MTR: variants seen among roughly 807,000 people sequenced by gnomAD.
MTR encodes methionine synthase.
A neutral mutation model predicts 154.8 loss-of-function variants in MTR; 84 were observed. That is an observed-to-expected ratio of 0.54 (90% CI 0.45 to 0.65). The LOEUF is 0.65. Ranked by LOEUF, MTR falls within the 30% of genes least tolerant of loss-of-function variation. The probability of loss-of-function intolerance (pLI) is 0.00; values close to 1 mark genes in which losing one functional copy is unlikely to be tolerated. For missense variants in MTR, 1,275 were observed against 1,570.2 expected (o/e 0.81, Z 3.18); for synonymous variants, 554 against 553.9 (o/e 1.00, Z 0.00).
At chr1:236,817,173 T>A (rs955046112) in intron 8 of MTR, among the ~76,000 whole-genome samples, 4 of 152,216 alleles carry the variant, frequency 2.6e-5, no homozygotes, top group African/African-American at 9.6e-5. Flanking sequence ...ATGTTTTAAA[T>A]TGTGTACTTT....
chr1:236,850,581 TG>T, intron 16 of MTR, 58 bp downstream of exon 16: 1 of 1,458,102 alleles, frequency 6.9e-7, no homozygotes, highest in Non-Finnish European at 9.6e-7. Flanking sequence ...ATGGGTCTAA[TG>T]AATGGTTAGA....
At position 236,859,892 on chromosome 1, in the gene MTR, C is replaced by T. The variant is rs147141232; in HGVS notation, c.2013C>T (p.Val671=). ...IQTDEWRNGP[V]EERLEYALVK... ...CTGATGAGTGGAGAAATGGCCCTGT[C>T]GAAGAACGCCTTGAGTATGCCCTTG... The change falls in exon 19 of 33, where the codon GTC becomes GTT. Residue 671 remains valine (V), a synonymous_variant. Transcript: ENST00000366577. The T allele has an allele frequency of 3.2e-5, 51 of 1,613,796 alleles. 1 individual carries two copies. The highest frequency in any genetic ancestry group is 2.7e-4 in the African/African-American group (20 of 74,880).
chr1:236,833,446 G>C (rs968418046), intron 13 of MTR, among the ~76,000 whole-genome samples: 3 of 152,170 alleles, frequency 2.0e-5, no homozygotes, highest in African/African-American at 7.2e-5. Context: ...AGGTACTGTG[G>C]TTATCCCCAT....
At chr1:236,813,564 T>C (rs1661429117) in intron 6 of MTR, among the ~76,000 whole-genome samples, 1 of 152,216 alleles carries the variant, frequency 6.6e-6, no homozygotes, top group Non-Finnish European at 1.5e-5. Flanking sequence ...CTGTTTGACC[T>C]TTTCCAGTTT....
At chr1:236,881,694 C>G (rs1198893324) in intron 25 of MTR, among the ~76,000 whole-genome samples, 1 of 152,122 alleles carries the variant, frequency 6.6e-6, no homozygotes, top group Non-Finnish European at 1.5e-5. Context: ...CTAGGGTGAC[C>G]GCATTTCCTG....
chr1:236,878,234 A>T (rs925706788), intron 24 of MTR, among the ~76,000 whole-genome samples: 1 of 152,202 alleles, frequency 6.6e-6, no homozygotes, highest in Non-Finnish European at 1.5e-5. Flanking sequence ...TTTGCATCCA[A>T]ATAAGTAAGT....
intron 6 of MTR, 107 bp downstream of exon 6, chr1:236,812,951 C>T (rs1661387503): frequency 1.1e-6 from 1 of 871,664 alleles, no homozygotes; most frequent in South Asian, 1.4e-5. Flanking sequence ...AAATAAATTA[C>T]CTGTATTTGC....
chr1:236,837,909 G>C (rs1663001842), intron 14 of MTR, among the ~76,000 whole-genome samples: 1 of 152,068 alleles, frequency 6.6e-6, no homozygotes, highest in Admixed American at 6.5e-5. Context: ...TGCATTTGTT[G>C]ATAATTAGAT....
chr1:236,840,594 G>T (rs973629398), intron 15 of MTR, among the ~76,000 whole-genome samples: 1 of 152,196 alleles, frequency 6.6e-6, no homozygotes, highest in African/African-American at 2.4e-5. Context: ...TGGAGAAAGA[G>T]CAAACGAGGT....
intron 15 of MTR, among the ~76,000 whole-genome samples, chr1:236,846,051 A>G (rs1663551777): frequency 6.6e-6 from 1 of 152,262 alleles, no homozygotes; most frequent in African/African-American, 2.4e-5. Flanking sequence ...TCTGTGATCC[A>G]TGTTGCAAAC....
At chr1:236,893,765 A>G (rs990627317) in intron 29 of MTR, among the ~76,000 whole-genome samples, 1 of 152,298 alleles carries the variant, frequency 6.6e-6, no homozygotes, top group African/African-American at 2.4e-5. Flanking sequence ...AAAATCCAGA[A>G]GCAAATCCTG....
intron 1 of MTR, 127 bp downstream of exon 1, chr1:236,795,864 G>A: frequency 1.4e-6 from 2 of 1,453,918 alleles, no homozygotes; most frequent in South Asian, 1.2e-5. Flanking sequence ...CGTGTGGGCG[G>A]CACCTTTAGA....
intron 4 of MTR, among the ~76,000 whole-genome samples, chr1:236,809,830 A>C (rs948219777): frequency 1.3e-5 from 2 of 152,234 alleles, no homozygotes; most frequent in Non-Finnish European, 2.9e-5. Context: ...GAATGAACAC[A>C]ACTTGCTACA....
In MTR at chr1:236,876,513, A is replaced by G. The variant is rs554534107; in HGVS notation, c.2594+1667A>G. 1.1e-4 allele frequency among the ~76,000 whole-genome samples: 17 copies of G among 152,350 alleles called. No individual in the cohort carries two copies. The East Asian group carries it at 2.3e-3, about 21-fold the overall frequency. The stretch of plus-strand genomic sequence containing the variant: ...GTCAGAATGAAAGACTTTAATATCA[A>G]CTGTGAAGTAGAATAAATAAATATT... On this transcript the variant is annotated intron_variant, in intron 24 of 32. Coordinates refer to ENST00000366577, the MANE Select transcript of MTR (RefSeq NM_000254.3).
intron 11 of MTR, among the ~76,000 whole-genome samples, chr1:236,828,593 A>G (rs918877222): frequency 6.6e-6 from 1 of 152,148 alleles, no homozygotes; most frequent in Non-Finnish European, 1.5e-5. Flanking sequence ...ATTAAAACTG[A>G]TAATGTTAAA....
intron 18 of MTR, among the ~76,000 whole-genome samples, chr1:236,857,240 C>G (rs1479172793): frequency 6.6e-6 from 1 of 152,154 alleles, no homozygotes; most frequent in Non-Finnish European, 1.5e-5. Flanking sequence ...GATATGGTAT[C>G]TCATTGTGCT....
chr1:236,835,752 G>T (rs902325551), intron 14 of MTR, 65 bp downstream of exon 14: 24 of 1,599,274 alleles, frequency 1.5e-5, no homozygotes, highest in Middle Eastern at 3.3e-4. Context: ...ATTTAACCGT[G>T]CCAGTTGTCC....
At chr1:236,897,310 G>GCGTGCGCGCACACACACACACA in intron 32 of MTR, among the ~76,000 whole-genome samples, 192 bp downstream of exon 32, 1 of 128,614 alleles carries the variant, frequency 7.8e-6, no homozygotes, top group South Asian at 2.7e-4. Flanking sequence ...CCACACACAC[G>GCGTGCGCGCACACACACACACA]CACACACACA....
intron 1 of MTR, among the ~76,000 whole-genome samples, chr1:236,796,162 C>T (rs1041375690): frequency 2.0e-5 from 3 of 152,148 alleles, no homozygotes; most frequent in Admixed American, 1.3e-4. Context: ...CGAGGAAACT[C>T]AGAGAACTAT....
Sources: gnomAD v4.1 joint callset for allele counts (sites outside exome capture counted in the v4.1 genomes callset) on GRCh38, gnomAD v4.1.1 for gene constraint, MANE v1.5 for transcripts, NCBI Gene and HGNC (gene_info 2026-07-23, HGNC 2026-07-21) for gene names.